CHRNA6: variants seen among roughly 807,000 people sequenced by gnomAD.
CHRNA6 encodes neuronal acetylcholine receptor subunit alpha-6.
Under a neutral mutation model 40.9 loss-of-function variants are expected in CHRNA6, and 31 were observed. The ratio of observed to expected loss-of-function variants is 0.76; its 90% CI spans 0.57 to 1.02. CHRNA6 has a LOEUF of 1.02. Among genes scored for constraint, CHRNA6 ranks in the 50% least tolerant of loss-of-function variants. The probability of loss-of-function intolerance (pLI) is 0.00; values close to 1 mark genes in which losing one functional copy is unlikely to be tolerated. For synonymous variants in CHRNA6, 222 were observed against 221.3 expected, an observed-to-expected ratio of 1.00 and a Z score of -0.03; for missense variants, 546 against 596.6, an observed-to-expected ratio of 0.92 and a Z score of 0.88.
In CHRNA6 at chr8:42,765,165, T is replaced by C. The variant is rs1186115768; in HGVS notation, c.119A>G (p.Lys40Arg). 3 of 1,614,140 alleles carry C rather than the reference T, an allele frequency of 1.9e-6. No individual in the cohort carries two copies. Among genetic ancestry groups the C allele is most frequent in the East Asian group, 2.2e-5 (1 of 44,880 alleles). The change falls in exon 2 of 6, where the codon AAA becomes AGA. Residue 40 changes from lysine (K) to arginine (R), a missense_variant. By Grantham distance (26) the Lys-to-Arg change is conservative. Transcript: ENST00000276410. ...GCATEERLFHKLFSHYNQFIR... is the reference protein window; with the variant it reads ...GCATEERLFHRLFSHYNQFIR... Reference sequence around the variant, plus strand: ...GAACTGGTTGTAATGAGAAAACAGTTTGTGGAAGAGCCTCTCCTCAGTTGC... The same window carrying C: ...GAACTGGTTGTAATGAGAAAACAGTCTGTGGAAGAGCCTCTCCTCAGTTGC...
At chr8:42,755,812 G>A (rs1462101232) in intron 5 of CHRNA6, 34 bp downstream of exon 5, 1 of 1,589,964 alleles carries the variant, frequency 6.3e-7, no homozygotes, top group Non-Finnish European at 8.6e-7. Context: ...TGCAAAGGGT[G>A]CAAGCTGGCT....
chr8:42,765,146 G>A lies in CHRNA6; in HGVS notation c.138C>T (p.Asn46=), dbSNP rs80342906. The A allele has an allele frequency of 1.2e-6, 2 of 1,613,920 alleles. No homozygotes were observed. The highest frequency in any genetic ancestry group is 1.7e-6 in the Non-Finnish European group (2 of 1,179,876). The change falls in exon 2 of 6, where the codon AAC becomes AAT. Residue 46 remains asparagine, a synonymous_variant. Coordinates refer to ENST00000276410, the MANE Select transcript of CHRNA6 (RefSeq NM_004198.3). ...RLFHKLFSHY[N]QFIRPVENVS... is the part of the protein sequence containing the mutation. ...CGTTTTCCACAGGCCTGATGAACTG[G>A]TTGTAATGAGAAAACAGTTTGTGGA...
At chr8:42,765,654 C>G (rs1171307558) in intron 1 of CHRNA6, among the ~76,000 whole-genome samples, 2 of 152,184 alleles carry the variant, frequency 1.3e-5, no homozygotes, top group African/African-American at 4.8e-5. Flanking sequence ...TGTATCTACA[C>G]CAGCAAGGTG....
At position 42,763,929 on chromosome 8, in the gene CHRNA6, G is replaced by A. The variant is rs571950513; in HGVS notation, c.219+1136C>T. On this transcript the variant is annotated intron_variant, in intron 2 of 5. Transcript: ENST00000276410. ...AGGTGTACCCAGAAGGGCCACCGCC[G>A]CCTCACCCACAGAGCAAAGTCTGGG... Among the ~76,000 whole-genome samples the A allele has an allele frequency of 4.0e-4, 61 of 152,176 alleles. No individual in the cohort carries two copies. The South Asian group carries it at 0.012, about 30-fold the overall frequency.
At chr8:42,763,903 C>T (rs1253034548) in intron 2 of CHRNA6, among the ~76,000 whole-genome samples, 1 of 152,086 alleles carries the variant, frequency 6.6e-6, no homozygotes, top group Admixed American at 6.6e-5. Flanking sequence ...GGTCTTTCCT[C>T]AGGTGTACCC....
In CHRNA6 at chr8:42,759,078, C is replaced by T. The variant is rs1444995364; in HGVS notation, c.255G>A (p.Trp85Ter). ...EVNQIMETNL[W>*]LRHIWNDYKL... ...TGATATAGGCACATACGTGACGCAG[C>T]CACAAATTGGTTTCCATGATCTGGT... Residue 85 changes from tryptophan (W) to a stop codon, truncating the protein, a stop_gained, in exon 3 of 6, where the codon TGG becomes TGA. Coordinates refer to ENST00000276410, the MANE Select transcript of CHRNA6 (RefSeq NM_004198.3). LOFTEE classifies it high-confidence loss of function. 2 of 1,613,152 alleles carry T rather than the reference C, an allele frequency of 1.2e-6. No individual in the cohort carries two copies. The highest frequency in any genetic ancestry group is 1.1e-5 in the South Asian group (1 of 91,054).
intron 2 of CHRNA6, among the ~76,000 whole-genome samples, chr8:42,763,845 A>G (rs997222131): frequency 1.3e-5 from 2 of 152,146 alleles, no homozygotes; most frequent in Non-Finnish European, 2.9e-5. Flanking sequence ...TCCACTGAGA[A>G]GCATGGACTG....
intron 1 of CHRNA6, 84 bp from the exon 2 acceptor site, chr8:42,765,288 T>C: frequency 6.9e-7 from 1 of 1,453,364 alleles, no homozygotes; most frequent in South Asian, 1.2e-5. Context: ...TCCCGGGCCC[T>C]GTGGGGAGCG....
At chr8:42,767,276 A>G (rs2128912868) in intron 1 of CHRNA6, among the ~76,000 whole-genome samples, 1 of 152,314 alleles carries the variant, frequency 6.6e-6, no homozygotes, top group South Asian at 2.1e-4. Flanking sequence ...CACTTGAAAC[A>G]TTTTTAAAAG....
rs1432179844 is a variant in CHRNA6, at chr8:42,753,201, A to G, written c.1463T>C (p.Leu488Pro). 3 of 1,604,794 alleles carry G rather than the reference A, an allele frequency of 1.9e-6. No homozygotes were observed. Among genetic ancestry groups the G allele is most frequent in the African/African-American group, 1.3e-5 (1 of 74,420 alleles). The change falls in exon 6 of 6, where the codon CTT becomes CCT. Residue 488 changes from leucine (L) to proline (P), a missense_variant. Transcript: ENST00000276410. ...ATTTTAAGATTTTCCTGTGTTCCCA[A>G]GTAGTGGCTGTAGAAATAGCCCTGC... is the stretch of plus-strand genomic sequence containing the variant. ...GTAGLFLQPL[L>P]GNTGKS
intron 5 of CHRNA6, among the ~76,000 whole-genome samples, chr8:42,755,259 G>T (rs1007076203): frequency 3.6e-5 from 5 of 139,392 alleles, no homozygotes; most frequent in Non-Finnish European, 7.5e-5. Context: ...ATTAACTGAG[G>T]TTGCCCTGAA....
Position 42,768,373 on chromosome 8 carries a change from CACACAGCCAGAG to C in CHRNA6, c.46_57del (p.Leu16_Cys19del), listed in dbSNP as rs752429073. The stretch of plus-strand genomic sequence containing the variant: ...CTACCTTTAAAGAAAGGTGTGAACA[CACACAGCCAGAG>C]ACACAAGCCCCCATGAAGGAATCCC... On this transcript the variant is annotated inframe_deletion, in exon 1 of 6. Transcript: ENST00000276410. The C allele has an allele frequency of 1.6e-5, 26 of 1,613,874 alleles. No individual in the cohort carries two copies. Among genetic ancestry groups the C allele is most frequent in the Non-Finnish European group, 2.0e-5 (24 of 1,179,882 alleles).
chr8:42,759,695 C>T (rs1051921943), intron 2 of CHRNA6, among the ~76,000 whole-genome samples: 7 of 151,862 alleles, frequency 4.6e-5, no homozygotes, highest in Non-Finnish European at 8.8e-5. Flanking sequence ...GTTAGGAGTT[C>T]GAGACCACCC....
chr8:42,767,408 CATA>C (rs1212414472), intron 1 of CHRNA6, among the ~76,000 whole-genome samples: 3 of 152,148 alleles, frequency 2.0e-5, no homozygotes, highest in Non-Finnish European at 4.4e-5. Flanking sequence ...CCTCATTTGA[CATA>C]ATTCATTTCA....
chr8:42,756,568 C>T lies in CHRNA6; in HGVS notation c.631G>A (p.Ala211Thr). 1 of 1,614,118 alleles carries T rather than the reference C, an allele frequency of 6.2e-7. No homozygotes were observed. Among genetic ancestry groups the T allele is most frequent in the Non-Finnish European group, 8.5e-7 (1 of 1,180,018 alleles). Residue 211 changes from alanine to threonine, a missense_variant, in exon 5 of 6, where the codon GCC becomes ACC. Physicochemically the swap from Ala to Thr is moderately conservative, Grantham distance 58 (BLOSUM62 0). This residue lies in a region of CHRNA6 where 476 missense variants were observed against 494.5 expected (regional missense o/e 0.96). Coordinates refer to ENST00000276410, the MANE Select transcript of CHRNA6 (RefSeq NM_004198.3). Reference sequence around the variant, plus strand: ...TTGATGTCATGTTTGTAGCCAGAGGCATCAATGATTTCCCATTCACTGTTT... The same window carrying T: ...TTGATGTCATGTTTGTAGCCAGAGGTATCAATGATTTCCCATTCACTGTTT... The part of the protein sequence containing the change: ...WENSEWEIID[A>T]SGYKHDIKYN...
At chr8:42,754,062 G>A (rs2128910870) in intron 5 of CHRNA6, among the ~76,000 whole-genome samples, 1 of 152,294 alleles carries the variant, frequency 6.6e-6, no homozygotes, top group South Asian at 2.1e-4. Flanking sequence ...TGCTGGCCAT[G>A]GAGAGCTGGT....
chr8:42,759,027 C>G (rs372340529), intron 3 of CHRNA6, 42 bp downstream of exon 3: 1 of 1,491,320 alleles, frequency 6.7e-7, no homozygotes, highest in South Asian at 1.1e-5. Context: ...TGGGTTTTAT[C>G]CATTCAACAT....
In CHRNA6 at chr8:42,763,820, C is replaced by T. The variant is rs1394063186; in HGVS notation, c.219+1245G>A. Among the ~76,000 whole-genome samples the T allele has an allele frequency of 2.0e-5, 3 of 152,242 alleles. No homozygotes were observed. The East Asian group carries it at 5.8e-4, about 29-fold the overall frequency. The stretch of plus-strand genomic sequence containing the variant: ...CCTGGGTCACAGACAGAGGACTGGA[C>T]CAGGGTTGGCTTCATCCACTGAGAA... On this transcript the variant is annotated intron_variant, in intron 2 of 5. Transcript: ENST00000276410.
In CHRNA6 at chr8:42,765,161, C is replaced by T; in HGVS notation, c.123G>A (p.Leu41=). The change falls in exon 2 of 6, where the codon CTG becomes CTA. Residue 41 remains leucine (L), a synonymous_variant. Coordinates refer to ENST00000276410, the MANE Select transcript of CHRNA6 (RefSeq NM_004198.3). ...TGATGAACTGGTTGTAATGAGAAAA[C>T]AGTTTGTGGAAGAGCCTCTCCTCAG... ...CATEERLFHK[L]FSHYNQFIRP... is the part of the protein sequence containing the mutation. 1 of 1,614,102 alleles carries T rather than the reference C, an allele frequency of 6.2e-7. No individual in the cohort carries two copies. Among genetic ancestry groups the T allele is most frequent in the Non-Finnish European group, 8.5e-7 (1 of 1,180,010 alleles).
Sources: gnomAD v4.1 joint callset for allele counts (sites outside exome capture counted in the v4.1 genomes callset) on GRCh38, gnomAD v4.1.1 for gene constraint, gnomAD v4.1.1 regional missense constraint, MANE v1.5 for transcripts, NCBI Gene and HGNC (gene_info 2026-07-23, HGNC 2026-07-21) for gene names.